PCBP3: variants seen among roughly 807,000 people sequenced by gnomAD.
PCBP3 encodes the protein poly(rC)-binding protein 3.
In PCBP3, 25 loss-of-function variants were observed where a neutral mutation model predicts 52.7. That is an observed-to-expected ratio of 0.47 (90% confidence interval 0.35 to 0.66). The LOEUF (loss-of-function observed/expected upper bound fraction) is 0.66, where lower values mean the gene tolerates loss of function less well. PCBP3 is among the 30% of genes least tolerant of loss of function. The probability of loss-of-function intolerance (pLI) is 0.01; values close to 1 mark genes in which losing one functional copy is unlikely to be tolerated. For synonymous variants in PCBP3, 162 were observed against 183.0 expected (o/e 0.89, Z 0.93); for missense variants, 391 against 490.3 (o/e 0.80, Z 1.91).
At chr21:45,709,624 T>G (rs575220943) in intron 2 of PCBP3, among the ~76,000 whole-genome samples, 6 of 152,304 alleles carry the variant, frequency 3.9e-5, no homozygotes, top group African/African-American at 1.4e-4. Context: ...TTTACAGAAT[T>G]ATGATGAGGA....
intron 4 of PCBP3, among the ~76,000 whole-genome samples, chr21:45,844,416 A>G (rs11911016): frequency 0.027 from 4,126 of 152,140 alleles, 200 homozygotes; most frequent in African/African-American, 0.093. Flanking sequence ...CACCCAGCGC[A>G]AGGTGAGGGA....
intron 4 of PCBP3, among the ~76,000 whole-genome samples, chr21:45,807,067 C>A (rs1234203102): frequency 6.6e-6 from 1 of 152,148 alleles, no homozygotes; most frequent in Non-Finnish European, 1.5e-5. Flanking sequence ...TTATGACAAA[C>A]CCACAGCCAA....
At chr21:45,684,804 A>G (rs76021028) in intron 2 of PCBP3, among the ~76,000 whole-genome samples, 2,178 of 152,344 alleles carry the variant, frequency 0.014, 51 homozygotes, top group African/African-American at 0.05. Flanking sequence ...AACGCAAAAC[A>G]GACTAACACA....
intron 1 of PCBP3, among the ~76,000 whole-genome samples, chr21:45,660,618 G>A (rs933987796): frequency 2.6e-5 from 4 of 152,034 alleles, no homozygotes; most frequent in Admixed American, 2.0e-4. Context: ...GTTACTTGGG[G>A]TCTTACTACT....
In PCBP3 at chr21:45,817,903, C is replaced by T. The variant is rs980729550; in HGVS notation, c.-125-32058C>T. Among the ~76,000 whole-genome samples, 1 of 152,178 alleles carries T rather than the reference C, an allele frequency of 6.6e-6. No individual in the cohort carries two copies. The highest frequency in any genetic ancestry group is 2.4e-5 in the African/African-American group (1 of 41,438). On this transcript the variant is annotated intron_variant, in intron 4 of 17. Transcript: ENST00000681687. The surrounding 1 kb of genome is among the most constrained non-coding windows in gnomAD (Gnocchi z 4.3). Reference sequence around the variant, plus strand: ...TATGTTTTAGGGCAATTGTATTCTACAATACAGAAAAATTATTGGAAAGTA... The same window carrying T: ...TATGTTTTAGGGCAATTGTATTCTATAATACAGAAAAATTATTGGAAAGTA...
intron 5 of PCBP3, among the ~76,000 whole-genome samples, chr21:45,889,588 C>G (rs184432383): frequency 5.3e-5 from 8 of 152,230 alleles, no homozygotes; most frequent in Non-Finnish European, 1.2e-4. Context: ...TTCTGCAGCC[C>G]GCCCTTGGGA....
At chr21:45,709,075 A>G (rs1388916248) in intron 2 of PCBP3, among the ~76,000 whole-genome samples, 1 of 152,242 alleles carries the variant, frequency 6.6e-6, no homozygotes, top group African/African-American at 2.4e-5. Flanking sequence ...CCCCATTTGT[A>G]AAACAGAAAC....
At position 45,850,035 on chromosome 21, in the gene PCBP3, C is replaced by T. The variant is rs530573014; in HGVS notation, c.-51C>T. 2.1e-5 allele frequency: 32 copies of T among 1,513,022 alleles called. No homozygotes were observed. Among genetic ancestry groups the T allele is most frequent in the South Asian group, 3.6e-5 (3 of 83,298 alleles). 93.7% of individuals were successfully genotyped at this position (1,513,022 alleles called of 1,614,324 possible). ...TGGTTATGATGCTCTGAGTTCAATA[C>T]GTCTGAACCTTTGCTGTCTATGGAT... On this transcript the variant is annotated 5_prime_UTR_variant, in exon 5 of 18. The change creates a new upstream start codon in the 5' untranslated region. Coordinates refer to ENST00000681687, the MANE Select transcript of PCBP3 (RefSeq NM_001384156.1).
At chr21:45,924,491 G>A (rs79330296) in intron 13 of PCBP3, among the ~76,000 whole-genome samples, 12 of 68,148 alleles carry the variant, frequency 1.8e-4, no homozygotes, top group African/African-American at 5.6e-4. Context: ...GAGGAGATGC[G>A]AACACCGGGA....
intron 2 of PCBP3, among the ~76,000 whole-genome samples, chr21:45,717,446 T>C (rs1262451072): frequency 6.6e-6 from 1 of 152,208 alleles, no homozygotes; most frequent in Non-Finnish European, 1.5e-5. Context: ...CTTTTACTAT[T>C]GTTCATGATG....
At chr21:45,858,050 G>A (rs1008135221) in intron 5 of PCBP3, among the ~76,000 whole-genome samples, 5 of 152,156 alleles carry the variant, frequency 3.3e-5, no homozygotes, top group Non-Finnish European at 7.4e-5. Context: ...CCTGCCTTGC[G>A]GGCCATGCCC....
chr21:45,940,272 G>GACC, intron 17 of PCBP3, 73 bp downstream of exon 17: 2 of 1,364,412 alleles, frequency 1.5e-6, no homozygotes, highest in Non-Finnish European at 2.0e-6. Context: ...TCACCTGGAC[G>GACC]GTCGGGGGGT....
At chr21:45,696,117 AT>A (rs1248331889) in intron 2 of PCBP3, among the ~76,000 whole-genome samples, 2 of 151,332 alleles carry the variant, frequency 1.3e-5, no homozygotes, top group African/African-American at 4.9e-5. Flanking sequence ...GGTCTTTTCA[AT>A]AAATGGAAGT....
At chr21:45,684,504 A>G (rs1450539125) in intron 2 of PCBP3, among the ~76,000 whole-genome samples, 1 of 152,144 alleles carries the variant, frequency 6.6e-6, no homozygotes, top group Non-Finnish European at 1.5e-5. Context: ...ATCCCTCATC[A>G]ATGGCTTGGT....
At chr21:45,665,684 C>T (rs1398292766) in intron 1 of PCBP3, among the ~76,000 whole-genome samples, 3 of 152,068 alleles carry the variant, frequency 2.0e-5, no homozygotes, top group African/African-American at 7.2e-5. Flanking sequence ...TGAATTCTAC[C>T]AGATGTGTAA....
At chr21:45,733,017 T>C (rs2085573164) in intron 2 of PCBP3, among the ~76,000 whole-genome samples, 1 of 152,190 alleles carries the variant, frequency 6.6e-6, no homozygotes, top group Admixed American at 6.5e-5. Flanking sequence ...TTTTTGTCTT[T>C]TGGGAGTAGA....
Position 45,922,580 on chromosome 21 carries a change from A to G in PCBP3, c.717+4951A>G, listed in dbSNP as rs186727887. Among the ~76,000 whole-genome samples, 659 of 152,288 alleles carry G rather than the reference A, an allele frequency of 4.3e-3. 9 individuals are homozygous for G. The highest frequency in any genetic ancestry group is 0.022 in the Admixed American group (334 of 15,296). On this transcript the variant is annotated intron_variant, in intron 13 of 17. Transcript: ENST00000681687. The stretch of plus-strand genomic sequence containing the variant: ...AAAAAAAGAAAAAATACCCTCATAT[A>G]TACAAATCTTTATTTCTAGTCTTCC...
chr21:45,727,807 G>T (rs2085166114), intron 2 of PCBP3, among the ~76,000 whole-genome samples: 1 of 152,174 alleles, frequency 6.6e-6, no homozygotes, highest in Non-Finnish European at 1.5e-5. Context: ...GGCTAACGCT[G>T]GGAGGGCAGT....
chr21:45,924,176 TCG>T lies in PCBP3; in HGVS notation c.718-5738_718-5737del. Among the ~76,000 whole-genome samples, 2 of 122,420 alleles carry T rather than the reference TCG, an allele frequency of 1.6e-5. 1 individual carries two copies. Among genetic ancestry groups the T allele is most frequent in the African/African-American group, 6.5e-5 (2 of 30,832 alleles). 80.3% of individuals were successfully genotyped at this position (122,420 alleles called of 152,430 possible). A position where few individuals can be genotyped will look rare whatever the true frequency, so the allele number is the denominator to read the frequency against. On this transcript the variant is annotated intron_variant, in intron 13 of 17. Coordinates refer to ENST00000681687, the MANE Select transcript of PCBP3 (RefSeq NM_001384156.1). ...GAGGAGATGTGAACACTGGGAACAG[TCG>T]CGTGGGTAGAAACAGCACACGTAAG...
Sources: gnomAD v4.1 joint callset for allele counts (sites outside exome capture counted in the v4.1 genomes callset) on GRCh38, gnomAD v4.1.1 for gene constraint, Gnocchi (gnomAD v3.1) non-coding constraint, MANE v1.5 for transcripts, NCBI Gene and HGNC (gene_info 2026-07-23, HGNC 2026-07-21) for gene names.